Variants in NFATC4 observed in about 807,000 individuals in gnomAD.
NFATC4 encodes nuclear factor of activated T-cells, cytoplasmic 4.
A neutral mutation model predicts 73.4 loss-of-function variants in NFATC4; 25 were observed. The ratio of observed to expected loss-of-function variants is 0.34; its 90% CI spans 0.25 to 0.48. NFATC4 has a LOEUF of 0.48. Ranked by LOEUF, NFATC4 falls within the 20% of genes least tolerant of loss-of-function variation. NFATC4 has a pLI of 0.99. For missense variants in NFATC4, 1,130 were observed against 1,203.7 expected (o/e 0.94, Z 0.91); for synonymous variants, 523 against 510.3 (o/e 1.02, Z -0.34).
At position 24,377,988 on chromosome 14, in the gene NFATC4, G is replaced by C. The variant is rs1368966254; in HGVS notation, c.*283G>C. 1 of 562,840 alleles carries C rather than the reference G, an allele frequency of 1.8e-6. No homozygotes were observed. The highest frequency in any genetic ancestry group is 3.1e-6 in the Non-Finnish European group (1 of 324,286). 34.9% of individuals were successfully genotyped at this position (562,840 alleles called of 1,614,324 possible). On this transcript the variant is annotated 3_prime_UTR_variant, in exon 10 of 10. Transcript: ENST00000250373. The surrounding 1 kb of genome is among the most constrained non-coding windows in gnomAD (Gnocchi z 4.2). Reference sequence around the variant, plus strand: ...GGACTGGAGTGAAGGCGTGTCTAGAGTGTGGGCTGGCTGTTGTGCTGGAAA... The same window carrying C: ...GGACTGGAGTGAAGGCGTGTCTAGACTGTGGGCTGGCTGTTGTGCTGGAAA...
chr14:24,367,628 A>T, upstream of NFATC4: 1 of 1,536,154 alleles, frequency 6.5e-7, no homozygotes, highest in South Asian at 1.2e-5. Context: ...AAAGACTTCC[A>T]GAAGGCCCGG....
chr14:24,367,749 G>C (rs1163566579), upstream of NFATC4: 4 of 797,590 alleles, frequency 5.0e-6, no homozygotes, highest in African/African-American at 1.2e-4. Context: ...GAGGGAAAGG[G>C]GAGGAGAAGT....
intron 7 of NFATC4, 28 bp from the exon 8 acceptor site, chr14:24,375,947 T>C: frequency 6.2e-7 from 1 of 1,613,206 alleles, no homozygotes. Context: ...GCCCGAGGGC[T>C]CCCTGCCTCA....
In NFATC4 at chr14:24,372,677, C is replaced by G. The variant is rs1330399349; in HGVS notation, c.1359+74C>G. 4 of 1,570,816 alleles carry G rather than the reference C, an allele frequency of 2.5e-6. No homozygotes were observed. In the East Asian group the frequency reaches 6.8e-5, roughly 27 times the overall value. ...GTTCCAGCTATGCAGACACATGGCA[C>G]TGCCCTTTCCCACACTCCCTCTCAG... On this transcript the variant is annotated intron_variant, in intron 3 of 9. Transcript: ENST00000250373.
At chr14:24,367,278 C>G (rs1341197187), upstream of NFATC4, 1 of 1,586,466 alleles carries the variant, frequency 6.3e-7, no homozygotes, top group Non-Finnish European at 8.6e-7. Context: ...GGGGAACCCA[C>G]AGGGTCCGGA....
chr14:24,367,622 A>G, upstream of NFATC4: 2 of 1,536,106 alleles, frequency 1.3e-6, no homozygotes, highest in Non-Finnish European at 1.7e-6. Flanking sequence ...CAGCGCAAAG[A>G]CTTCCAGAAG....
At chr14:24,372,652 G>C (rs777222413) in intron 3 of NFATC4, 49 bp downstream of exon 3, 2 of 1,609,722 alleles carry the variant, frequency 1.2e-6, no homozygotes, top group East Asian at 4.5e-5. Context: ...TCCCAGATAG[G>C]TTCCAGCTAT....
In NFATC4 at chr14:24,377,392, T is replaced by A. The variant is rs1450898858; in HGVS notation, c.2642-246T>A. On this transcript the variant is annotated intron_variant, in intron 9 of 9. Transcript: ENST00000250373. This position sits in a 1 kb window ranked among gnomAD's most constrained non-coding sequence, Gnocchi z 4.2. ...TACCGATTCCCCTGACATTTCAGGC[T>A]AAGCCAGCAGGAAAGGGCTAGGACG... The A allele has an allele frequency of 1.5e-6, 2 of 1,373,842 alleles. No individual in the cohort carries two copies. The highest frequency in any genetic ancestry group is 1.9e-6 in the Non-Finnish European group (2 of 1,064,880). The allele number at this position is 1,373,842 out of a possible 1,614,324, so 85.1% of individuals were successfully genotyped here.
chr14:24,367,213 A>T, upstream of NFATC4: 5 of 1,609,606 alleles, frequency 3.1e-6, no homozygotes, highest in Non-Finnish European at 4.2e-6. Flanking sequence ...CCTCCAGCCC[A>T]GGTGACAGGT....
chr14:24,374,259 TG>T, intron 5 of NFATC4, 66 bp from the exon 6 acceptor site: 1 of 1,544,524 alleles, frequency 6.5e-7, no homozygotes. Flanking sequence ...CCAAAGAGGG[TG>T]GGGACAGAGG....
In NFATC4 at chr14:24,375,638, GCT is replaced by G; in HGVS notation, c.1874-17_1874-16del. On this transcript the variant is annotated intron_variant, in intron 6 of 9. Transcript: ENST00000250373. ...ACAGGGGCGCTGGAGTTGGGCTGCA[GCT>G]CTCTGTTCCCTCTGGACAGATGGGA... 2 of 1,552,162 alleles carry G rather than the reference GCT, an allele frequency of 1.3e-6. No homozygotes were observed. The highest frequency in any genetic ancestry group is 1.2e-5 in the South Asian group (1 of 84,142).
rs2042412835 is a variant in NFATC4, at chr14:24,369,683, G to C, written c.285G>C (p.Leu95=). Reference sequence around the variant, plus strand: ...GCCAGCCCGCCAGGTCGGTGAGGCTGGGAGGACCAGGAGGGGGTGCTGGGG... The same window carrying C: ...GCCAGCCCGCCAGGTCGGTGAGGCTCGGAGGACCAGGAGGGGGTGCTGGGG... ...WESQPARSVR[L]GGPGGGAGGA... is the part of the protein sequence containing the mutation. The change falls in exon 2 of 10, where the codon CTG becomes CTC. Residue 95 remains leucine (L), a synonymous_variant. Coordinates refer to ENST00000250373, the MANE Select transcript of NFATC4 (RefSeq NM_004554.5). The C allele has an allele frequency of 6.2e-7, 1 of 1,608,424 alleles. No homozygotes were observed. The highest frequency in any genetic ancestry group is 1.3e-5 in the African/African-American group (1 of 75,004).
intron 5 of NFATC4, chr14:24,374,071 A>G (rs887836181): frequency 2.2e-6 from 2 of 896,472 alleles, no homozygotes; most frequent in Non-Finnish European, 1.8e-6. Context: ...ACTGGACCCT[A>G]TCTATTCCTG....
chr14:24,367,159 C>A, upstream of NFATC4: 1 of 1,613,930 alleles, frequency 6.2e-7, no homozygotes, highest in Non-Finnish European at 8.5e-7. Context: ...CAGGCCTCTC[C>A]AAGCCTGACT....
intron 6 of NFATC4, 120 bp downstream of exon 6, chr14:24,374,586 GGACA>G: frequency 5.2e-6 from 5 of 958,590 alleles, no homozygotes; most frequent in South Asian, 5.1e-5. Context: ...TTGTAAAATG[GGACA>G]GACAGACTAC....
chr14:24,366,968 T>C (rs2042326092), upstream of NFATC4: 1 of 1,568,600 alleles, frequency 6.4e-7, no homozygotes, highest in Admixed American at 1.8e-5. Context: ...TGGGGCGGCG[T>C]TGGGGGTGCG....
upstream of NFATC4, chr14:24,367,953 A>T (rs1370401871): frequency 8.2e-7 from 1 of 1,226,908 alleles, no homozygotes; most frequent in African/African-American, 1.5e-5. Flanking sequence ...ACCAATAGGC[A>T]ACATTAGTAT....
Position 24,375,664 on chromosome 14 carries a change from G to A in NFATC4, c.1878G>A (p.Gly626=), listed in dbSNP as rs1294798065. ...KVVFIERGPD[G]KLQWEEEATV... ...CTCTCTGTTCCCTCTGGACAGATGG[G>A]AAGCTGCAATGGGAGGAGGAGGCCA... Residue 626 remains glycine (G), a synonymous_variant, in exon 7 of 10, where the codon GGG becomes GGA. Coordinates refer to ENST00000250373, the MANE Select transcript of NFATC4 (RefSeq NM_004554.5). 6.6e-7 allele frequency: 1 copy of A among 1,519,910 alleles called. No homozygotes were observed. Among genetic ancestry groups the A allele is most frequent in the Non-Finnish European group, 8.9e-7 (1 of 1,125,706 alleles). The allele number at this position is 1,519,910 out of a possible 1,614,324, so 94.2% of individuals were successfully genotyped here.
rs1381436032 is a variant in NFATC4 at position 24,374,318 on chromosome 14, C to T, written c.1733-8C>T. The T allele has an allele frequency of 6.8e-6, 11 of 1,606,576 alleles. No homozygotes were observed. In the South Asian group the frequency reaches 1.2e-4, roughly 18 times the overall value. On this transcript the variant is annotated splice_polypyrimidine_tract_variant and splice_region_variant and intron_variant, in intron 5 of 9. Coordinates refer to ENST00000250373, the MANE Select transcript of NFATC4 (RefSeq NM_004554.5). Reference sequence around the variant, plus strand: ...CCAGCCAGTCCTCTTCCTTGCACTGCTCTGCAGCCCAGCGCTCAGCCCAGG... The same window carrying T: ...CCAGCCAGTCCTCTTCCTTGCACTGTTCTGCAGCCCAGCGCTCAGCCCAGG...
Sources: gnomAD v4.1 joint callset for allele counts on GRCh38, gnomAD v4.1.1 for gene constraint, Gnocchi (gnomAD v3.1) non-coding constraint, MANE v1.5 for transcripts, NCBI Gene and HGNC (gene_info 2026-07-23, HGNC 2026-07-21) for gene names.